Variants in XIRP2 observed in about 807,000 individuals in gnomAD.
The protein encoded by XIRP2 is xin actin binding repeat containing 2.
A neutral mutation model predicts 277.0 loss-of-function variants in XIRP2; 236 were observed. That is an observed-to-expected ratio of 0.85 (90% confidence interval 0.77 to 0.95). XIRP2 has a LOEUF of 0.95. Ranked by LOEUF, XIRP2 falls within the 40% of genes least tolerant of loss-of-function variation. The pLI, the probability that XIRP2 is intolerant of heterozygous loss-of-function variation, is 0.00. For synonymous variants in XIRP2, 1,490 were observed against 1,416.5 expected (o/e 1.05, Z -1.17); for missense variants, 4,640 against 4,157.5 (o/e 1.12, Z -3.19).
At chr2:167,042,486 T>C (rs1688682667) in intron 2 of XIRP2, among the ~76,000 whole-genome samples, 1 of 151,924 alleles carries the variant, frequency 6.6e-6, no homozygotes, top group Non-Finnish European at 1.5e-5. Context: ...AGTAAAGGGA[T>C]GGAGAAAGAT....
intron 2 of XIRP2, among the ~76,000 whole-genome samples, chr2:167,023,012 T>G (rs2105488148): frequency 6.6e-6 from 1 of 152,282 alleles, no homozygotes; most frequent in African/African-American, 2.4e-5. Flanking sequence ...TAGTTCTAGA[T>G]CCCTGAGGAA....
intron 2 of XIRP2, among the ~76,000 whole-genome samples, chr2:167,046,035 T>A (rs1366925826): frequency 6.6e-6 from 1 of 152,020 alleles, no homozygotes; most frequent in Non-Finnish European, 1.5e-5. Context: ...ATATGTCATC[T>A]CTGATTTCTT....
chr2:167,257,793 T>A, intron 10 of XIRP2, 64 bp from the exon 11 acceptor site: 1 of 1,476,586 alleles, frequency 6.8e-7, no homozygotes, highest in South Asian at 1.4e-5. Flanking sequence ...AAATAATTAA[T>A]CCCCAATTCC....
At chr2:167,069,046 C>T (rs1689374095) in intron 2 of XIRP2, among the ~76,000 whole-genome samples, 1 of 152,108 alleles carries the variant, frequency 6.6e-6, no homozygotes, top group African/African-American at 2.4e-5. Flanking sequence ...ACCATGAATA[C>T]CAATGTTCGT....
At position 166,943,094 on chromosome 2, in the gene XIRP2, A is replaced by G. The variant is rs563163435; in HGVS notation, c.408+39204A>G. 7.6e-4 allele frequency among the ~76,000 whole-genome samples: 116 copies of G among 152,252 alleles called. 1 individual carries two copies. The highest frequency in any genetic ancestry group is 2.5e-3 in the African/African-American group (104 of 41,572). Reference sequence around the variant, plus strand: ...TTAATACCTCCATTGAAATATTTCTATGGGAAACTTTGTTTCTTTTGTTAT... The same window carrying G: ...TTAATACCTCCATTGAAATATTTCTGTGGGAAACTTTGTTTCTTTTGTTAT... On this transcript the variant is annotated intron_variant, in intron 2 of 10. Coordinates refer to ENST00000409195, the MANE Select transcript of XIRP2 (RefSeq NM_152381.6).
At chr2:167,127,116 AT>A (rs1377042553) in intron 2 of XIRP2, among the ~76,000 whole-genome samples, 1 of 152,122 alleles carries the variant, frequency 6.6e-6, no homozygotes, top group African/African-American at 2.4e-5. Flanking sequence ...TATTGGAGAT[AT>A]TTTTATTGCA....
chr2:167,155,002 T>C (rs562639213), intron 3 of XIRP2, among the ~76,000 whole-genome samples: 1 of 151,700 alleles, frequency 6.6e-6, no homozygotes, highest in African/African-American at 2.4e-5. Flanking sequence ...CTAGAAGAAA[T>C]GGATAAATTC....
At chr2:167,035,951 A>G (rs1279430238) in intron 2 of XIRP2, among the ~76,000 whole-genome samples, 1 of 152,186 alleles carries the variant, frequency 6.6e-6, no homozygotes, top group African/African-American at 2.4e-5. Context: ...GTGGCTTCAG[A>G]GGGTGGAAGC....
chr2:166,973,553 C>T (rs1312760347), intron 2 of XIRP2, among the ~76,000 whole-genome samples: 1 of 152,118 alleles, frequency 6.6e-6, no homozygotes, highest in East Asian at 1.9e-4. Context: ...GTCAATCTGA[C>T]TATCAGATCC....
Position 166,908,207 on chromosome 2 carries a change from T to A in XIRP2, c.408+4317T>A, listed in dbSNP as rs1684583233. Among the ~76,000 whole-genome samples the A allele has an allele frequency of 2.0e-5, 3 of 152,190 alleles. No homozygotes were observed. The South Asian group carries it at 6.2e-4, about 31-fold the overall frequency. On this transcript the variant is annotated intron_variant, in intron 2 of 10. Coordinates refer to ENST00000409195, the MANE Select transcript of XIRP2 (RefSeq NM_152381.6). ...ATTGCCATACTGTCTTCCACAGTTG[T>A]TGAACTAGTTTACAGTCCCACCAAC...
intron 2 of XIRP2, among the ~76,000 whole-genome samples, chr2:167,096,914 T>G (rs1250593926): frequency 6.6e-6 from 1 of 152,166 alleles, no homozygotes; most frequent in African/African-American, 2.4e-5. Context: ...GAAAGGCTGT[T>G]TGTTATGATT....
intron 3 of XIRP2, among the ~76,000 whole-genome samples, chr2:167,152,061 C>T (rs1409915606): frequency 6.6e-6 from 1 of 152,114 alleles, no homozygotes; most frequent in African/African-American, 2.4e-5. Flanking sequence ...TGGCAGTTCT[C>T]TCTGTGAGAG....
chr2:166,969,861 C>T (rs192713628), intron 2 of XIRP2, among the ~76,000 whole-genome samples: 2 of 152,004 alleles, frequency 1.3e-5, no homozygotes, highest in African/African-American at 2.4e-5. Context: ...AGCAACTCCC[C>T]CTGTATCCTT....
In XIRP2 at chr2:167,244,352, CA is replaced by C. The variant is rs1268707161; in HGVS notation, c.2961del (p.Leu988CysfsTer14). On this transcript the variant is annotated frameshift_variant, in exon 9 of 11. Coordinates refer to ENST00000409195, the MANE Select transcript of XIRP2 (RefSeq NM_152381.6). LOFTEE classifies it high-confidence loss of function. ...ELNKSLFETTPLYAIQDPLGK... is the reference protein window; with the variant it reads ...ELNKSLFETTXLYAIQDPLGK... ...AATAAATCTCTCTTCGAGACAACAC[CA>C]CTGTATGCCATTCAAGATCCCCTTG... 1 of 1,613,582 alleles carries C rather than the reference CA, an allele frequency of 6.2e-7. No homozygotes were observed. Among genetic ancestry groups the C allele is most frequent in the Non-Finnish European group, 8.5e-7 (1 of 1,179,788 alleles).
At chr2:166,960,178 T>A (rs753079868) in intron 2 of XIRP2, among the ~76,000 whole-genome samples, 24 of 151,616 alleles carry the variant, frequency 1.6e-4, no homozygotes, top group Non-Finnish European at 2.8e-4. Context: ...ACCAAGAATA[T>A]CACAACCTTG....
At chr2:166,946,236 A>T (rs1251100703) in intron 2 of XIRP2, among the ~76,000 whole-genome samples, 1 of 152,146 alleles carries the variant, frequency 6.6e-6, no homozygotes, top group Non-Finnish European at 1.5e-5. Context: ...ATTTAGAATA[A>T]TATATAGTCT....
intron 3 of XIRP2, among the ~76,000 whole-genome samples, chr2:167,178,312 CTA>C (rs550497723): frequency 1.3e-3 from 198 of 152,170 alleles, no homozygotes; most frequent in African/African-American, 4.4e-3. Flanking sequence ...CAACATATAA[CTA>C]TGAAAAACAC....
intron 2 of XIRP2, among the ~76,000 whole-genome samples, chr2:167,073,013 A>G (rs1689473179): frequency 6.6e-6 from 1 of 152,198 alleles, no homozygotes; most frequent in Non-Finnish European, 1.5e-5. Context: ...CTATGATACA[A>G]CCATGATAGG....
intron 2 of XIRP2, among the ~76,000 whole-genome samples, chr2:167,011,281 AG>A (rs1294998447): frequency 1.3e-5 from 2 of 151,516 alleles, no homozygotes; most frequent in African/African-American, 4.9e-5. Context: ...TTTAGCATGA[AG>A]GGTTGTTGAA....
Sources: gnomAD v4.1 joint callset for allele counts (sites outside exome capture counted in the v4.1 genomes callset) on GRCh38, gnomAD v4.1.1 for gene constraint, MANE v1.5 for transcripts, NCBI Gene and HGNC (gene_info 2026-07-23, HGNC 2026-07-21) for gene names.